The following MEIS2 variants were observed in gnomAD, a reference collection of about 807,000 sequenced individuals.
MEIS2 encodes Meis homeobox 2.
A neutral mutation model predicts 58.6 loss-of-function variants in MEIS2; 9 were observed. The ratio of observed to expected loss-of-function variants is 0.15; its 90% CI spans 0.09 to 0.27. The LOEUF is 0.27. Among genes scored for constraint, MEIS2 ranks in the 10% least tolerant of loss-of-function variants. The probability of loss-of-function intolerance (pLI) is 1.00; values close to 1 mark genes in which losing one functional copy is unlikely to be tolerated. For missense variants in MEIS2, 427 were observed against 635.0 expected (o/e 0.67, Z 3.52); for synonymous variants, 221 against 228.4 (o/e 0.97, Z 0.29).
intron 7 of MEIS2, among the ~76,000 whole-genome samples, chr15:37,038,841 G>A (rs1483574961): frequency 2.0e-5 from 3 of 152,046 alleles, no homozygotes; most frequent in Non-Finnish European, 2.9e-5. Context: ...ACACATACAC[G>A]CACACCCAAG....
intron 8 of MEIS2, among the ~76,000 whole-genome samples, chr15:37,010,685 A>G (rs961812235): frequency 6.6e-6 from 1 of 152,214 alleles, no homozygotes; most frequent in African/African-American, 2.4e-5. Flanking sequence ...GGCCAAAAGC[A>G]CTGTTTTAGA....
intron 8 of MEIS2, among the ~76,000 whole-genome samples, chr15:36,987,982 GAAC>G (rs1227877504): frequency 2.0e-5 from 3 of 152,054 alleles, no homozygotes; most frequent in Non-Finnish European, 4.4e-5. Context: ...CATGTCACTG[GAAC>G]AACATTTTAG....
At chr15:36,969,628 A>G (rs1241290601) in intron 8 of MEIS2, among the ~76,000 whole-genome samples, 3 of 152,226 alleles carry the variant, frequency 2.0e-5, no homozygotes, top group African/African-American at 4.8e-5. Flanking sequence ...TTAAGAATCA[A>G]CTTTTCTGAC....
At chr15:37,066,574 T>C (rs910972657) in intron 7 of MEIS2, 5 of 152,284 alleles carry the variant, frequency 3.3e-5, no homozygotes, top group African/African-American at 1.2e-4. Context: ...TAAAAATGCA[T>C]TAGAAACCTA....
chr15:37,016,324 A>G (rs796322728), intron 8 of MEIS2, among the ~76,000 whole-genome samples: 12 of 75,154 alleles, frequency 1.6e-4, no homozygotes, highest in African/African-American at 4.7e-4. Flanking sequence ...TCTTTTTTCT[A>G]TTTGCAGTGT....
chr15:37,000,518 T>C (rs1186659317), intron 8 of MEIS2, among the ~76,000 whole-genome samples: 1 of 152,150 alleles, frequency 6.6e-6, no homozygotes, highest in East Asian at 1.9e-4. Context: ...TTGAAGATGA[T>C]CTTACTACTT....
chr15:37,051,034 C>T (rs2062897516), intron 7 of MEIS2: 1 of 152,158 alleles, frequency 6.6e-6, no homozygotes, highest in Non-Finnish European at 1.5e-5. Context: ...ATATACCTGA[C>T]AGGTTAACCA....
chr15:37,069,377 A>T (rs535711953), intron 7 of MEIS2, among the ~76,000 whole-genome samples: 1 of 152,350 alleles, frequency 6.6e-6, no homozygotes, highest in Admixed American at 6.5e-5. Context: ...TTTCTGAGCT[A>T]ACTGCTATGA....
chr15:36,994,880 C>T (rs1426381034), intron 8 of MEIS2, among the ~76,000 whole-genome samples: 11 of 152,154 alleles, frequency 7.2e-5, no homozygotes, highest in African/African-American at 1.4e-4. Context: ...TTCTGGCTAA[C>T]GCTTTTATCC....
chr15:36,952,650 C>CAA (rs2058801536), intron 8 of MEIS2, among the ~76,000 whole-genome samples: 1 of 102,754 alleles, frequency 9.7e-6, no homozygotes, highest in African/African-American at 3.4e-5. Context: ...TGTGTGTGTG[C>CAA]ATGTGTGTTT....
At chr15:37,078,974 G>T (rs1224248572) in intron 7 of MEIS2, among the ~76,000 whole-genome samples, 1 of 151,934 alleles carries the variant, frequency 6.6e-6, no homozygotes, top group Non-Finnish European at 1.5e-5. Context: ...AGCATTTATG[G>T]GCACCATTAC....
In MEIS2 at chr15:36,896,267, C is replaced by T. The variant is rs561874578; in HGVS notation, c.1036+361G>A. ...CAGCAGATGCTACAGAAAGGAAAGC[C>T]TAGCATACACCAAGGAGCTGTGGGT... On this transcript the variant is annotated intron_variant, in intron 10 of 11. Transcript: ENST00000561208. Among the ~76,000 whole-genome samples the T allele has an allele frequency of 7.2e-5, 11 of 152,300 alleles. No individual in the cohort carries two copies. The South Asian group carries it at 2.1e-3, about 29-fold the overall frequency.
At chr15:37,034,263 A>G (rs910303181) in intron 8 of MEIS2, among the ~76,000 whole-genome samples, 9 of 152,156 alleles carry the variant, frequency 5.9e-5, no homozygotes, top group Non-Finnish European at 1.3e-4. Context: ...CATTTGAAAA[A>G]TGGGGAAACA....
At chr15:37,015,964 A>T (rs2061336969) in intron 8 of MEIS2, among the ~76,000 whole-genome samples, 1 of 151,980 alleles carries the variant, frequency 6.6e-6, no homozygotes, top group Non-Finnish European at 1.5e-5. Flanking sequence ...GAAATCACAC[A>T]CTCCCACAGC....
chr15:37,093,557 A>G, intron 6 of MEIS2, 24 bp downstream of exon 6: 1 of 1,613,008 alleles, frequency 6.2e-7, no homozygotes, highest in Non-Finnish European at 8.5e-7. Flanking sequence ...GCCTTAAAAG[A>G]TTGCTAAAGG....
chr15:36,938,894 G>A (rs2058273508), intron 9 of MEIS2, among the ~76,000 whole-genome samples: 1 of 152,076 alleles, frequency 6.6e-6, no homozygotes, highest in African/African-American at 2.4e-5. Context: ...TCTCTTTCAC[G>A]CACCACACTG....
At chr15:36,951,924 C>T (rs1188880445) in intron 8 of MEIS2, among the ~76,000 whole-genome samples, 3 of 151,990 alleles carry the variant, frequency 2.0e-5, no homozygotes, top group Non-Finnish European at 4.4e-5. Context: ...GTCTTCAGCA[C>T]GGGCAAGAAA....
At chr15:37,040,756 A>G (rs1465624286) in intron 7 of MEIS2, among the ~76,000 whole-genome samples, 1 of 152,226 alleles carries the variant, frequency 6.6e-6, no homozygotes, top group Non-Finnish European at 1.5e-5. Context: ...GGAAGACTCA[A>G]GGCCTGTGGA....
intron 7 of MEIS2, among the ~76,000 whole-genome samples, chr15:37,073,876 G>A (rs984759823): frequency 6.6e-6 from 1 of 151,930 alleles, no homozygotes; most frequent in Non-Finnish European, 1.5e-5. Context: ...GAAGGGTTAA[G>A]GAATAAGTGT....
Sources: allele counts gnomAD v4.1 joint callset (sites outside exome capture counted in the v4.1 genomes callset), GRCh38; gene constraint gnomAD v4.1.1; transcripts MANE v1.5; gene names NCBI Gene and HGNC (gene_info 2026-07-23, HGNC 2026-07-21).